Variants in B3GALT1 observed in about 807,000 individuals in gnomAD.
B3GALT1 encodes beta-1,3-galactosyltransferase 1, also known as UDP-Gal:betaGlcNAc beta 1,3-galactosyltransferase, polypeptide 1.
In B3GALT1, 10 loss-of-function variants were observed where a neutral mutation model predicts 23.2. The ratio of observed to expected loss-of-function variants is 0.43; its 90% CI spans 0.27 to 0.73. B3GALT1 has a LOEUF of 0.73. Ranked by LOEUF, B3GALT1 falls within the 30% of genes least tolerant of loss-of-function variation. The pLI is 0.21. For synonymous variants in B3GALT1, 156 were observed against 141.5 expected (o/e 1.10, Z -0.73); for missense variants, 299 against 405.4 (o/e 0.74, Z 2.25).
At chr2:167,637,679 T>C (rs748125693) in intron 2 of B3GALT1, among the ~76,000 whole-genome samples, 5 of 152,028 alleles carry the variant, frequency 3.3e-5, no homozygotes, top group Non-Finnish European at 7.4e-5. Context: ...TTCTAGTATT[T>C]GGTTACTGCC....
intron 1 of B3GALT1, among the ~76,000 whole-genome samples, chr2:167,453,251 C>T (rs770952613): frequency 9.9e-5 from 15 of 152,102 alleles, no homozygotes; most frequent in Non-Finnish European, 1.6e-4. Context: ...GTATGCCCTC[C>T]GGGACCCTTT....
chr2:167,551,943 G>C (rs1436537914), intron 2 of B3GALT1, among the ~76,000 whole-genome samples: 4 of 152,160 alleles, frequency 2.6e-5, no homozygotes, highest in Non-Finnish European at 5.9e-5. Flanking sequence ...TATTTCATTT[G>C]AAATAATCCT....
intron 2 of B3GALT1, among the ~76,000 whole-genome samples, chr2:167,511,710 T>C (rs2105354510): frequency 6.6e-6 from 1 of 152,310 alleles, no homozygotes; most frequent in Non-Finnish European, 1.5e-5. Context: ...TGTCACTGAA[T>C]GGTAGGTTTT....
At position 167,496,629 on chromosome 2, in the gene B3GALT1, A is replaced by G. The variant is rs1049168050; in HGVS notation, c.-410+6352A>G. On this transcript the variant is annotated intron_variant, in intron 2 of 4. Transcript: ENST00000392690. ...CAGTGAACAAAATAAAGCATATTCTATCAGGGTGTTACGGACTGAAGTTTT... is the reference window on the plus strand; with the variant it reads ...CAGTGAACAAAATAAAGCATATTCTGTCAGGGTGTTACGGACTGAAGTTTT... Among the ~76,000 whole-genome samples, 3 of 152,202 alleles carry G rather than the reference A, an allele frequency of 2.0e-5. No individual in the cohort carries two copies. In the East Asian group the frequency reaches 5.8e-4, roughly 29 times the overall value.
chr2:167,491,987 A>C (rs2105342745), intron 2 of B3GALT1, among the ~76,000 whole-genome samples: 1 of 152,308 alleles, frequency 6.6e-6, no homozygotes, highest in South Asian at 2.1e-4. Context: ...GAGCCTTATA[A>C]ACTAAAGTCC....
intron 4 of B3GALT1, among the ~76,000 whole-genome samples, chr2:167,862,399 GAGCAA>G (rs1690119050): frequency 1.3e-5 from 2 of 152,202 alleles, no homozygotes; most frequent in Non-Finnish European, 2.9e-5. Flanking sequence ...TAAGCAGAGA[GAGCAA>G]ATTAGCCCTT....
intron 2 of B3GALT1, among the ~76,000 whole-genome samples, chr2:167,544,246 G>A (rs1304283416): frequency 6.6e-6 from 1 of 152,112 alleles, no homozygotes; most frequent in Non-Finnish European, 1.5e-5. Context: ...GCTCATATAG[G>A]TACATTGCTG....
At chr2:167,381,682 A>G (rs1559080603) in intron 1 of B3GALT1, among the ~76,000 whole-genome samples, 2 of 152,246 alleles carry the variant, frequency 1.3e-5, no homozygotes, top group Non-Finnish European at 2.9e-5. Context: ...AATTTGTGCC[A>G]TGAAAATCTG....
intron 2 of B3GALT1, among the ~76,000 whole-genome samples, chr2:167,596,245 A>G (rs1234419260): frequency 6.6e-6 from 1 of 152,216 alleles, no homozygotes; most frequent in Non-Finnish European, 1.5e-5. Flanking sequence ...TGAGTGTGCC[A>G]GTCATCTAAT....
chr2:167,604,113 C>A (rs1197728897), intron 2 of B3GALT1, among the ~76,000 whole-genome samples: 2 of 152,124 alleles, frequency 1.3e-5, no homozygotes, highest in Non-Finnish European at 2.9e-5. Context: ...TTATTATAAT[C>A]TGCAGTAATC....
At chr2:167,774,493 T>G (rs1419125578) in intron 3 of B3GALT1, among the ~76,000 whole-genome samples, 9 of 82,574 alleles carry the variant, frequency 1.1e-4, no homozygotes, top group African/African-American at 5.5e-4. Context: ...TTGTTTTTTT[T>G]TTTGTTTTTT....
chr2:167,351,411 T>A (rs1404928754), intron 1 of B3GALT1, among the ~76,000 whole-genome samples: 1 of 152,212 alleles, frequency 6.6e-6, no homozygotes, highest in East Asian at 1.9e-4. Context: ...CCTGTAGTTT[T>A]TTCTAAACAA....
At chr2:167,651,334 T>G (rs1044308531) in intron 3 of B3GALT1, among the ~76,000 whole-genome samples, 4 of 151,824 alleles carry the variant, frequency 2.6e-5, no homozygotes, top group African/African-American at 9.7e-5. Context: ...TTGTGATTAT[T>G]AGTCACTCTA....
chr2:167,449,153 G>T (rs1699049599), intron 1 of B3GALT1, among the ~76,000 whole-genome samples: 1 of 152,062 alleles, frequency 6.6e-6, no homozygotes, highest in African/African-American at 2.4e-5. Context: ...GCATTTTGAT[G>T]GGAATTGCAT....
chr2:167,635,913 G>T (rs1685544372), intron 2 of B3GALT1, among the ~76,000 whole-genome samples: 1 of 151,990 alleles, frequency 6.6e-6, no homozygotes, highest in Non-Finnish European at 1.5e-5. Context: ...GAACAAAGCT[G>T]GAGGCATCAC....
At chr2:167,512,624 G>GTATA (rs202089193) in intron 2 of B3GALT1, among the ~76,000 whole-genome samples, 5 of 49,664 alleles carry the variant, frequency 1.0e-4, no homozygotes, top group African/African-American at 7.0e-4. Context: ...ATATATACGT[G>GTATA]TATATATATA....
At chr2:167,420,592 G>A (rs926869952) in intron 1 of B3GALT1, among the ~76,000 whole-genome samples, 1 of 152,164 alleles carries the variant, frequency 6.6e-6, no homozygotes, top group Non-Finnish European at 1.5e-5. Context: ...ATGGTATAAG[G>A]ATGTCCTTTG....
chr2:167,390,509 A>G (rs1698002506), intron 1 of B3GALT1, among the ~76,000 whole-genome samples: 1 of 152,110 alleles, frequency 6.6e-6, no homozygotes, highest in African/African-American at 2.4e-5. Flanking sequence ...TATTAACACT[A>G]CCTTTGAAGC....
chr2:167,750,792 G>C (rs550867298), intron 3 of B3GALT1, among the ~76,000 whole-genome samples: 18 of 150,714 alleles, frequency 1.2e-4, no homozygotes, highest in African/African-American at 4.4e-4. Flanking sequence ...GATCTTTAGA[G>C]TGTCATATCC....
Sources: allele counts gnomAD v4.1 joint callset (sites outside exome capture counted in the v4.1 genomes callset), GRCh38; gene constraint gnomAD v4.1.1; transcripts MANE v1.5; gene names NCBI Gene and HGNC (gene_info 2026-07-23, HGNC 2026-07-21).